ARHGAP23: variants seen among roughly 807,000 people sequenced by gnomAD.
ARHGAP23 encodes the protein rho GTPase-activating protein 23.
In ARHGAP23, 34 loss-of-function variants were observed where a neutral mutation model predicts 136.3. That is an observed-to-expected ratio of 0.25 (90% confidence interval 0.19 to 0.33). The LOEUF is 0.33. Ranked by LOEUF, ARHGAP23 falls within the 10% of genes least tolerant of loss-of-function variation. The probability of loss-of-function intolerance (pLI) is 1.00; values close to 1 mark genes in which losing one functional copy is unlikely to be tolerated. For synonymous variants in ARHGAP23, 832 were observed against 920.5 expected (o/e 0.90, Z 1.74); for missense variants, 1,808 against 2,139.0 (o/e 0.85, Z 3.05).
intron 16 of ARHGAP23, 91 bp downstream of exon 16, chr17:38,482,769 A>G: frequency 7.4e-7 from 1 of 1,354,854 alleles, no homozygotes; most frequent in Admixed American, 2.2e-5. Flanking sequence ...ATTGTGTTGC[A>G]TGCATTGTGC....
At chr17:38,424,727 G>A (rs567915483), upstream of ARHGAP23, among the ~76,000 whole-genome samples, 52 of 152,296 alleles carry the variant, frequency 3.4e-4, no homozygotes, top group African/African-American at 1.1e-3. Flanking sequence ...TATAGACCCT[G>A]GAGCCCAAAT....
At chr17:38,497,535 A>G (rs1451773573) in intron 20 of ARHGAP23, among the ~76,000 whole-genome samples, 2 of 151,526 alleles carry the variant, frequency 1.3e-5, no homozygotes, top group East Asian at 3.9e-4. Flanking sequence ...GAATGCTCCC[A>G]CTCCCTGCCG....
At chr17:38,473,243 C>T (rs565389148) in intron 11 of ARHGAP23, among the ~76,000 whole-genome samples, 10 of 152,108 alleles carry the variant, frequency 6.6e-5, no homozygotes, top group Middle Eastern at 3.4e-3. Context: ...CGTGAGCCAC[C>T]GTGCCCAGCC....
At position 38,477,583 on chromosome 17, in the gene ARHGAP23, C is replaced by G; in HGVS notation, c.2123C>G (p.Ala708Gly). Residue 708 changes from alanine (A) to glycine (G), a missense_variant, in exon 12 of 24, where the codon GCG (alanine) becomes GGG (glycine). Around this residue, in one of 7 missense-constraint regions of ARHGAP23, gnomAD observed 139 missense variants for 264.3 expected, o/e 0.53. Transcript: ENST00000622683. The surrounding 1 kb of genome is among the most constrained non-coding windows in gnomAD (Gnocchi z 6.6). ...CAACCCCGTGTCTCCCTGCAGAAAG[C>G]GGGCAGCGGCCTGCGCCAGTGGAAG... Reference protein sequence around the residue: ...KQILTKKGKKAGSGLRQWKRV... With the variant: ...KQILTKKGKKGGSGLRQWKRV... The G allele has an allele frequency of 7.9e-7, 1 of 1,267,180 alleles. No individual in the cohort carries two copies. 78.5% of individuals were successfully genotyped at this position (1,267,180 alleles called of 1,614,324 possible). A position where few individuals can be genotyped will look rare whatever the true frequency, so the allele number is the denominator to read the frequency against.
In ARHGAP23 at chr17:38,482,519, C is replaced by T. The variant is rs2040069179; in HGVS notation, c.2752-4C>T. On this transcript the variant is annotated splice_region_variant and splice_polypyrimidine_tract_variant and intron_variant, in intron 15 of 23. Coordinates refer to ENST00000622683, the MANE Select transcript of ARHGAP23 (RefSeq NM_001199417.2). ...CCCCTAACACCCCTCCCATGTGTCC[C>T]CAGCGCGTCCCCTTAATCGTGGCTG... 1 of 1,541,424 alleles carries T rather than the reference C, an allele frequency of 6.5e-7. No homozygotes were observed. The highest frequency in any genetic ancestry group is 1.4e-5 in the African/African-American group (1 of 73,038).
intron 1 of ARHGAP23, among the ~76,000 whole-genome samples, chr17:38,444,612 G>A (rs1003164698): frequency 1.3e-5 from 2 of 152,228 alleles, no homozygotes; most frequent in East Asian, 3.9e-4. Context: ...GACCTGATGC[G>A]TGCCAGGTTC....
rs1035145583 is a variant in ARHGAP23 at position 38,434,491 on chromosome 17, C to T, written c.63+5943C>T. Among the ~76,000 whole-genome samples, 10 of 152,234 alleles carry T rather than the reference C, an allele frequency of 6.6e-5. No homozygotes were observed. The East Asian group carries it at 1.2e-3, about 18-fold the overall frequency. ...GGAGGAGAGACAGCATGGGGCGGGG[C>T]GTGGGGATGACTGAGACCCAAGGGC... is the stretch of plus-strand genomic sequence containing the variant. On this transcript the variant is annotated intron_variant, in intron 1 of 23. Coordinates refer to ENST00000622683, the MANE Select transcript of ARHGAP23 (RefSeq NM_001199417.2).
chr17:38,445,523 A>T (rs2144544282), intron 1 of ARHGAP23, among the ~76,000 whole-genome samples: 1 of 152,150 alleles, frequency 6.6e-6, no homozygotes, highest in African/African-American at 2.4e-5. Flanking sequence ...TATAATTTTA[A>T]CCATTTTTAA....
rs989984704 is a variant in ARHGAP23, at chr17:38,469,226, C to T, written c.1731C>T (p.Ala577=). The stretch of plus-strand genomic sequence containing the variant: ...TGGTCTCCAGTGCCATGAACTCAGC[C>T]CCTGTCCTGGGCACCAGCCCATCTT... ...SAVVSSAMNS[A]PVLGTSPSSP... Residue 577 remains alanine (A), a synonymous_variant, in exon 8 of 24, where the codon GCC becomes GCT. Coordinates refer to ENST00000622683, the MANE Select transcript of ARHGAP23 (RefSeq NM_001199417.2). The T allele has an allele frequency of 1.4e-5, 22 of 1,551,556 alleles. No individual in the cohort carries two copies. The African/African-American group carries it at 2.2e-4, about 15-fold the overall frequency.
Position 38,510,680 on chromosome 17 carries a change from A to C in ARHGAP23, c.4184A>C (p.Glu1395Ala). ...AVRLRRPLSP[E>A]TRRRRSSWRR... The stretch of plus-strand genomic sequence containing the variant: ...CGCCTGCGGCGGCCGCTGTCGCCCG[A>C]GACCCGGCGGCGCCGGAGCAGCTGG... Residue 1395 changes from glutamate to alanine, a missense_variant, in exon 24 of 24, where the codon GAG becomes GCG. Transcript: ENST00000622683. This position sits in a 1 kb window ranked among gnomAD's most constrained non-coding sequence, Gnocchi z 4.6. 1.3e-5 allele frequency: 18 copies of C among 1,411,260 alleles called. No individual in the cohort carries two copies. The highest frequency in any genetic ancestry group is 1.6e-5 in the Non-Finnish European group (17 of 1,091,284). The allele number at this position is 1,411,260 out of a possible 1,614,324, so 87.4% of individuals were successfully genotyped here. A position where few individuals can be genotyped will look rare whatever the true frequency, so the allele number is the denominator to read the frequency against.
intron 7 of ARHGAP23, among the ~76,000 whole-genome samples, chr17:38,467,550 C>A (rs1364998217): frequency 6.6e-6 from 1 of 152,222 alleles, no homozygotes. Flanking sequence ...TCCTACCTCT[C>A]ATTCATTTAT....
Position 38,499,796 on chromosome 17 carries a change from C to A in ARHGAP23, c.3416-801C>A, listed in dbSNP as rs372917673. Among the ~76,000 whole-genome samples the A allele has an allele frequency of 2.0e-4, 30 of 152,322 alleles. No individual in the cohort carries two copies. The East Asian group carries it at 2.7e-3, about 14-fold the overall frequency. On this transcript the variant is annotated intron_variant, in intron 22 of 23. Transcript: ENST00000622683. The stretch of plus-strand genomic sequence containing the variant: ...AGTGTGGATTAACCGCACCTGCCCA[C>A]TACCCTGTGGGACCCCAGGAGGCCC...
chr17:38,469,295 C>T lies in ARHGAP23; in HGVS notation c.1800C>T (p.Asp600=), dbSNP rs9896092. 2,856 of 1,550,152 alleles carry T rather than the reference C, an allele frequency of 1.8e-3. 29 individuals are homozygous for T. In the African/African-American group the frequency reaches 0.029, roughly 16 times the overall value. Residue 600 remains aspartate, a synonymous_variant, in exon 8 of 24, where the codon GAC becomes GAT. Transcript: ENST00000622683. Reference sequence around the variant, plus strand: ...CCCTCGGACGCCATTACTCGCAGGACTGCAGTGAGCACTCCCCACACCCCC... The same window carrying T: ...CCCTCGGACGCCATTACTCGCAGGATTGCAGTGAGCACTCCCCACACCCCC... ...TFTLGRHYSQ[D]CSSIKAGRRS...
In ARHGAP23 at chr17:38,477,720, G is replaced by T. The variant is rs1026721783; in HGVS notation, c.2260G>T (p.Ala754Ser). 6.5e-6 allele frequency: 10 copies of T among 1,544,766 alleles called. No individual in the cohort carries two copies. The highest frequency in any genetic ancestry group is 7.9e-6 in the Non-Finnish European group (9 of 1,144,066). The part of the protein sequence containing the change: ...AAAGAGEDEA[A>S]PVCIGSCLVD... Reference sequence around the variant, plus strand: ...GGCCGGCGCAGGTGAGGACGAGGCGGCGCCCGTCTGCATCGGCTCCTGCCT... The same window carrying T: ...GGCCGGCGCAGGTGAGGACGAGGCGTCGCCCGTCTGCATCGGCTCCTGCCT... The change falls in exon 12 of 24, where the codon GCG becomes TCG. Residue 754 changes from alanine (A) to serine (S), a missense_variant. Transcript: ENST00000622683. The surrounding 1 kb of genome is among the most constrained non-coding windows in gnomAD (Gnocchi z 6.6).
intron 14 of ARHGAP23, among the ~76,000 whole-genome samples, chr17:38,481,700 A>G (rs933884483): frequency 3.9e-5 from 6 of 152,180 alleles, no homozygotes; most frequent in African/African-American, 1.4e-4. Flanking sequence ...TTGAGGCTGC[A>G]TTGAGCTATG....
intron 1 of ARHGAP23, among the ~76,000 whole-genome samples, chr17:38,434,093 G>A (rs1450245006): frequency 6.6e-6 from 1 of 152,180 alleles, no homozygotes; most frequent in African/African-American, 2.4e-5. Context: ...CCGAAGTGCT[G>A]GGATTACAAG....
chr17:38,481,867 C>A (rs986903683), intron 14 of ARHGAP23, among the ~76,000 whole-genome samples, 155 bp from the exon 15 acceptor site: 1 of 152,092 alleles, frequency 6.6e-6, no homozygotes, highest in Non-Finnish European at 1.5e-5. Flanking sequence ...CCCCTTCAGG[C>A]CTTCTCTCTT....
At chr17:38,492,276 T>A (rs979970122) in intron 20 of ARHGAP23, among the ~76,000 whole-genome samples, 2 of 152,156 alleles carry the variant, frequency 1.3e-5, no homozygotes, top group Non-Finnish European at 2.9e-5. Context: ...TTATGAATCG[T>A]AGATTTTCCA....
intron 23 of ARHGAP23, among the ~76,000 whole-genome samples, 170 bp from the exon 24 acceptor site, chr17:38,509,774 G>GACTGGAGGA: frequency 6.6e-6 from 1 of 152,326 alleles, no homozygotes; most frequent in Middle Eastern, 3.4e-3. Context: ...TCTGGACGGA[G>GACTGGAGGA]GGCGGCACGG....
Sources: gnomAD v4.1 joint callset for allele counts (sites outside exome capture counted in the v4.1 genomes callset) on GRCh38, gnomAD v4.1.1 for gene constraint, gnomAD v4.1.1 regional missense constraint, Gnocchi (gnomAD v3.1) non-coding constraint, MANE v1.5 for transcripts, NCBI Gene and HGNC (gene_info 2026-07-23, HGNC 2026-07-21) for gene names.